Variants in SGCD observed in about 807,000 individuals in gnomAD.
The protein encoded by SGCD is delta-sarcoglycan.
SGCD carries 18 observed loss-of-function variants against 36.6 expected under a neutral mutation model. That is an observed-to-expected ratio of 0.49 (90% CI 0.34 to 0.73). The LOEUF (loss-of-function observed/expected upper bound fraction) is 0.73. Among genes scored for constraint, SGCD ranks in the 30% least tolerant of loss-of-function variants. SGCD has a pLI of 0.01. For missense variants in SGCD, 387 were observed against 346.7 expected, an observed-to-expected ratio of 1.12 and a Z score of -0.92; for synonymous variants, 133 against 130.6, an observed-to-expected ratio of 1.02 and a Z score of -0.12.
At chr5:155,938,030 G>A (rs889288896) in intron 1 of SGCD, among the ~76,000 whole-genome samples, 2 of 152,234 alleles carry the variant, frequency 1.3e-5, no homozygotes, top group Admixed American at 6.5e-5. Flanking sequence ...GAACCACAGT[G>A]ATGGGAACTG....
chr5:155,805,245 CA>C, the SGCD span, among the ~76,000 whole-genome samples: 1 of 152,106 alleles, frequency 6.6e-6, no homozygotes, highest in Non-Finnish European at 1.5e-5. Flanking sequence ...AGGATCCAAA[CA>C]CTTCTATAGA....
chr5:155,856,617 T>G, the SGCD span, among the ~76,000 whole-genome samples: 1 of 151,976 alleles, frequency 6.6e-6, no homozygotes, highest in Non-Finnish European at 1.5e-5. Context: ...AAGGATCTGT[T>G]TATAGAATAT....
At chr5:155,787,569 G>A in the SGCD span, among the ~76,000 whole-genome samples, 15 of 152,122 alleles carry the variant, frequency 9.9e-5, no homozygotes, top group Non-Finnish European at 4.4e-5. Flanking sequence ...TGTTTCAACA[G>A]GATAGTATTT....
intron 1 of SGCD, among the ~76,000 whole-genome samples, chr5:155,989,779 AC>A (rs1287143624): frequency 6.6e-6 from 1 of 152,176 alleles, no homozygotes; most frequent in Non-Finnish European, 1.5e-5. Context: ...GATAAGCAAG[AC>A]TCATTCATCT....
At chr5:155,928,008 G>C (rs1395876558) in intron 1 of SGCD, among the ~76,000 whole-genome samples, 2 of 152,168 alleles carry the variant, frequency 1.3e-5, no homozygotes, top group African/African-American at 4.8e-5. Flanking sequence ...CGTGCTCATG[G>C]GAAAACGTGT....
chr5:155,963,685 C>A (rs899311717), intron 1 of SGCD, among the ~76,000 whole-genome samples: 1 of 152,070 alleles, frequency 6.6e-6, no homozygotes, highest in African/African-American at 2.4e-5. Flanking sequence ...TTACAAAATT[C>A]CATGACCAAT....
intron 3 of SGCD, among the ~76,000 whole-genome samples, chr5:156,158,861 C>G (rs767052961): frequency 6.6e-6 from 1 of 151,350 alleles, no homozygotes; most frequent in African/African-American, 2.5e-5. Context: ...GAATTGAGAC[C>G]TCCTAGCTTT....
chr5:155,808,018 G>T, the SGCD span, among the ~76,000 whole-genome samples: 36 of 152,304 alleles, frequency 2.4e-4, no homozygotes, highest in African/African-American at 8.7e-4. Context: ...TGCTATATCT[G>T]CAACCTTATA....
At chr5:156,629,814 T>C (rs1161938089) in intron 6 of SGCD, among the ~76,000 whole-genome samples, 1 of 152,044 alleles carries the variant, frequency 6.6e-6, no homozygotes, top group Non-Finnish European at 1.5e-5. Flanking sequence ...TGGGTTCTAG[T>C]TTGCCAGTCC....
At chr5:156,742,589 G>A (rs1244604408) in intron 7 of SGCD, among the ~76,000 whole-genome samples, 2 of 151,968 alleles carry the variant, frequency 1.3e-5, no homozygotes, top group Non-Finnish European at 2.9e-5. Context: ...CTCTGTTAGA[G>A]AAACAGAAAA....
chr5:156,086,605 A>T (rs1761100755), intron 1 of SGCD, among the ~76,000 whole-genome samples: 1 of 152,176 alleles, frequency 6.6e-6, no homozygotes, highest in Non-Finnish European at 1.5e-5. Context: ...GTCAGGTTGT[A>T]AATTAACTGC....
intron 3 of SGCD, among the ~76,000 whole-genome samples, chr5:156,277,099 C>G (rs1237533791): frequency 6.6e-6 from 1 of 152,164 alleles, no homozygotes; most frequent in African/African-American, 2.4e-5. Context: ...TGAGACTTTT[C>G]TAATTCCAAG....
chr5:156,257,848 A>C (rs967873955), intron 3 of SGCD, among the ~76,000 whole-genome samples: 6 of 152,142 alleles, frequency 3.9e-5, no homozygotes, highest in African/African-American at 1.2e-4. Context: ...TGAGAGACAG[A>C]GCGAGAGTCT....
chr5:156,598,532 ACT>A (rs1029452932), intron 6 of SGCD, among the ~76,000 whole-genome samples: 2 of 151,972 alleles, frequency 1.3e-5, no homozygotes, highest in Non-Finnish European at 2.9e-5. Flanking sequence ...ATATAGTGAG[ACT>A]CTGTCTCAAA....
At chr5:156,110,633 G>T (rs1451813134) in intron 1 of SGCD, among the ~76,000 whole-genome samples, 1 of 150,926 alleles carries the variant, frequency 6.6e-6, no homozygotes, top group African/African-American at 2.4e-5. Context: ...TCTCAGAAAT[G>T]AGCTTTTTCA....
At chr5:156,410,973 C>T (rs746861119) in intron 3 of SGCD, among the ~76,000 whole-genome samples, 10 of 152,094 alleles carry the variant, frequency 6.6e-5, no homozygotes, top group Middle Eastern at 6.8e-3. Context: ...CCTTATTATA[C>T]TAGTCTGTAA....
rs34930090 is a variant in SGCD, at chr5:156,534,176, C to CTTT, written c.294+25484_294+25486dup. On this transcript the variant is annotated intron_variant, in intron 4 of 8. Transcript: ENST00000337851. ...GGATACCATCTGTATGGACATCATT[C>CTTT]TTTTTTTTTTTTGGCATGAAGATTT... 4.6e-4 allele frequency among the ~76,000 whole-genome samples: 67 copies of CTTT among 145,448 alleles called. 1 individual carries two copies. The highest frequency in any genetic ancestry group is 6.3e-4 in the Non-Finnish European group (42 of 66,296).
intron 3 of SGCD, among the ~76,000 whole-genome samples, chr5:156,417,154 T>C (rs1773088827): frequency 6.6e-6 from 1 of 152,196 alleles, no homozygotes; most frequent in Non-Finnish European, 1.5e-5. Flanking sequence ...ACATTGATAA[T>C]GTGATGATGC....
chr5:155,753,472 G>A, the SGCD span, among the ~76,000 whole-genome samples: 29 of 152,208 alleles, frequency 1.9e-4, no homozygotes, highest in Non-Finnish European at 3.7e-4. Flanking sequence ...AAAAAGGATC[G>A]GACAATGTGC....
Sources: gnomAD v4.1 joint callset for allele counts (sites outside exome capture counted in the v4.1 genomes callset) on GRCh38, gnomAD v4.1.1 for gene constraint, MANE v1.5 for transcripts, NCBI Gene and HGNC (gene_info 2026-07-23, HGNC 2026-07-21) for gene names.